EHD4: variants seen among roughly 807,000 people sequenced by gnomAD.
EHD4 encodes EH domain containing 4.
A neutral mutation model predicts 51.0 loss-of-function variants in EHD4; 37 were observed. That is an observed-to-expected ratio of 0.73 (90% confidence interval 0.56 to 0.95). The LOEUF (loss-of-function observed/expected upper bound fraction) is 0.95. Ranked by LOEUF, EHD4 falls within the 40% of genes least tolerant of loss-of-function variation. EHD4 has a pLI of 0.00. For missense variants in EHD4, 632 were observed against 733.1 expected, an observed-to-expected ratio of 0.86 and a Z score of 1.59; for synonymous variants, 297 against 317.3, an observed-to-expected ratio of 0.94 and a Z score of 0.68.
intron 5 of EHD4, among the ~76,000 whole-genome samples, chr15:41,905,309 C>A (rs1480232507): frequency 6.6e-6 from 1 of 152,206 alleles, no homozygotes; most frequent in Non-Finnish European, 1.5e-5. Context: ...CAGCCTACTT[C>A]CCAAGGAGGC....
Position 41,901,072 on chromosome 15 carries a change from A to T in EHD4, c.1199T>A (p.Ile400Asn). 6.2e-7 allele frequency: 1 copy of T among 1,612,922 alleles called. No individual in the cohort carries two copies. The highest frequency in any genetic ancestry group is 8.5e-7 in the Non-Finnish European group (1 of 1,179,456). ...GGGCGTGCTCGTCTCCTCCTGGCTG[A>T]TGAGGTTCATGAGGGGCGAGATCTT... ...SNKISPLMNLISQEETSTPTQ... is the reference protein window; with the variant it reads ...SNKISPLMNLNSQEETSTPTQ... The change falls in exon 6 of 6, where the codon ATC becomes AAC. Residue 400 changes from isoleucine to asparagine, a missense_variant. Transcript: ENST00000220325.
intron 3 of EHD4, among the ~76,000 whole-genome samples, chr15:41,920,351 TAAAC>T (rs1169926840): frequency 6.6e-6 from 1 of 152,216 alleles, no homozygotes; most frequent in Non-Finnish European, 1.5e-5. Flanking sequence ...TGCAGCTGCA[TAAAC>T]ACTCTTCAGC....
At chr15:41,955,768 C>T (rs938865861) in intron 1 of EHD4, among the ~76,000 whole-genome samples, 2 of 152,226 alleles carry the variant, frequency 1.3e-5, no homozygotes, top group African/African-American at 4.8e-5. Flanking sequence ...CTCTGTGAAA[C>T]TCCAGCCTCT....
At chr15:41,968,688 C>T (rs1395914331) in intron 1 of EHD4, among the ~76,000 whole-genome samples, 3 of 152,190 alleles carry the variant, frequency 2.0e-5, no homozygotes, top group Non-Finnish European at 2.9e-5. Context: ...AATTATTACA[C>T]ATAGATGCAG....
At chr15:41,965,238 T>A (rs966847543) in intron 1 of EHD4, among the ~76,000 whole-genome samples, 4 of 152,222 alleles carry the variant, frequency 2.6e-5, no homozygotes, top group Non-Finnish European at 4.4e-5. Flanking sequence ...TAGATTATGA[T>A]GTAGTCATTG....
intron 3 of EHD4, among the ~76,000 whole-genome samples, chr15:41,931,371 G>T (rs2067696976): frequency 6.6e-6 from 1 of 151,876 alleles, no homozygotes. Flanking sequence ...ACATTAGCTG[G>T]GCATGGTGGT....
chr15:41,938,196 G>A (rs998907828), intron 3 of EHD4, among the ~76,000 whole-genome samples: 1 of 152,158 alleles, frequency 6.6e-6, no homozygotes, highest in Non-Finnish European at 1.5e-5. Flanking sequence ...GTTTCAAGAT[G>A]TTCAACCTGT....
intron 5 of EHD4, among the ~76,000 whole-genome samples, chr15:41,905,666 C>T (rs1027091529): frequency 6.6e-6 from 1 of 152,142 alleles, no homozygotes; most frequent in Non-Finnish European, 1.5e-5. Context: ...ATTTTTACCC[C>T]CATTTGTTCA....
chr15:41,968,425 T>C (rs2067974343), intron 1 of EHD4, among the ~76,000 whole-genome samples: 1 of 151,930 alleles, frequency 6.6e-6, no homozygotes, highest in African/African-American at 2.4e-5. Flanking sequence ...GATGGCTACT[T>C]TCACTCCCTT....
intron 4 of EHD4, among the ~76,000 whole-genome samples, chr15:41,916,660 G>C (rs2067585799): frequency 6.6e-6 from 1 of 152,220 alleles, no homozygotes; most frequent in African/African-American, 2.4e-5. Flanking sequence ...TGAAACTGCA[G>C]GTGGCGTGAG....
At chr15:41,911,280 C>T (rs182061384) in intron 4 of EHD4, among the ~76,000 whole-genome samples, 1 of 152,336 alleles carries the variant, frequency 6.6e-6, no homozygotes, top group East Asian at 1.9e-4. Context: ...TGACGCTAAA[C>T]CTTTCTGTCA....
At chr15:41,956,235 T>G (rs1164259355) in intron 1 of EHD4, among the ~76,000 whole-genome samples, 3 of 152,176 alleles carry the variant, frequency 2.0e-5, no homozygotes, top group African/African-American at 7.2e-5. Context: ...GTGTGCTTTT[T>G]GGGGAAGAGC....
intron 1 of EHD4, among the ~76,000 whole-genome samples, chr15:41,961,616 G>C (rs1566827682): frequency 6.6e-6 from 1 of 152,132 alleles, no homozygotes; most frequent in Non-Finnish European, 1.5e-5. Context: ...AAGGCTAAAA[G>C]GCATCTAACA....
chr15:41,919,408 G>C lies in EHD4; in HGVS notation c.726C>G (p.Ser242=). The C allele has an allele frequency of 6.2e-7, 1 of 1,604,140 alleles. No homozygotes were observed. Among genetic ancestry groups the C allele is most frequent in the Non-Finnish European group, 8.5e-7 (1 of 1,174,080 alleles). The change falls in exon 4 of 6, where the codon TCC becomes TCG. Residue 242 remains serine, a synonymous_variant. Transcript: ENST00000220325. ...LMRVYGALMW[S]LGKVINTPEV... ...CGGGCGTGTTGATGACCTTGCCTAGGGACCACATGAGGGCCCCGTAGACCC... is the reference window on the plus strand; with the variant it reads ...CGGGCGTGTTGATGACCTTGCCTAGCGACCACATGAGGGCCCCGTAGACCC...
chr15:41,919,479 C>T lies in EHD4; in HGVS notation c.655G>A (p.Val219Ile), dbSNP rs746841619. The T allele has an allele frequency of 1.3e-6, 2 of 1,562,332 alleles. No individual in the cohort carries two copies. Among genetic ancestry groups the T allele is most frequent in the Admixed American group, 3.8e-5 (2 of 52,558 alleles). The change falls in exon 4 of 6, where the codon GTC becomes ATC. Residue 219 changes from valine (V) to isoleucine (I), a missense_variant. By Grantham distance (29) the Val-to-Ile change is conservative (BLOSUM62 3). Transcript: ENST00000220325. ...AFRGQDDKIR[V>I]VLNKADQVDT... ...ACTTGGTCGGCCTTGTTCAGCACGA[C>T]ACGGATCTTGTCGTCCTGGCCCCGG...
chr15:41,963,296 TAAA>T (rs35077069), intron 1 of EHD4, among the ~76,000 whole-genome samples: 1 of 126,968 alleles, frequency 7.9e-6, no homozygotes, highest in Non-Finnish European at 1.6e-5. Context: ...CAATAAATAC[TAAA>T]AAAAAAAAAA....
intron 1 of EHD4, among the ~76,000 whole-genome samples, chr15:41,958,195 A>G (rs2067900246): frequency 1.3e-5 from 2 of 151,468 alleles, no homozygotes; most frequent in Non-Finnish European, 2.9e-5. Flanking sequence ...TGGAGACTTG[A>G]TTTTTGTCCT....
intron 3 of EHD4, among the ~76,000 whole-genome samples, chr15:41,938,588 G>A (rs950462378): frequency 6.6e-6 from 1 of 152,194 alleles, no homozygotes; most frequent in East Asian, 1.9e-4. Context: ...AGACACTCTC[G>A]AATTTTCATT....
At chr15:41,942,110 G>A (rs1459535822) in intron 3 of EHD4, 2 of 152,234 alleles carry the variant, frequency 1.3e-5, no homozygotes, top group Non-Finnish European at 2.9e-5. Context: ...AGCTGCCTCT[G>A]GACCTGTGAT....
Sources: gnomAD v4.1 joint callset for allele counts (sites outside exome capture counted in the v4.1 genomes callset) on GRCh38, gnomAD v4.1.1 for gene constraint, MANE v1.5 for transcripts, NCBI Gene and HGNC (gene_info 2026-07-23, HGNC 2026-07-21) for gene names.